Variants in LARP1B observed in about 807,000 individuals in gnomAD.
The protein encoded by LARP1B is La ribonucleoprotein 1B.
A neutral mutation model predicts 114.2 loss-of-function variants in LARP1B; 76 were observed. That is an observed-to-expected ratio of 0.67 (90% CI 0.55 to 0.81). The LOEUF (loss-of-function observed/expected upper bound fraction) is 0.81. Ranked by LOEUF, LARP1B falls within the 30% of genes least tolerant of loss-of-function variation. The pLI is 0.00. For missense variants in LARP1B, 1,014 were observed against 1,075.8 expected (o/e 0.94, Z 0.80); for synonymous variants, 345 against 348.0 (o/e 0.99, Z 0.10).
intron 9 of LARP1B, chr4:128,107,602 A>G (rs1474618358): frequency 7.2e-7 from 1 of 1,384,502 alleles, no homozygotes; most frequent in South Asian, 1.7e-5. Flanking sequence ...ATAACTATAG[A>G]TATGTATCGT....
chr4:128,125,431 C>T (rs1459717520), intron 11 of LARP1B, among the ~76,000 whole-genome samples: 1 of 152,216 alleles, frequency 6.6e-6, no homozygotes, highest in Non-Finnish European at 1.5e-5. Context: ...TGCTTCCTAC[C>T]TGCTCCCCAA....
At chr4:128,175,127 G>A (rs1561493425) in intron 12 of LARP1B, among the ~76,000 whole-genome samples, 1 of 152,094 alleles carries the variant, frequency 6.6e-6, no homozygotes, top group Non-Finnish European at 1.5e-5. Flanking sequence ...GCATTTACCT[G>A]ACTGTATCTT....
chr4:128,074,154 G>A (rs955422369), intron 1 of LARP1B, among the ~76,000 whole-genome samples: 1 of 151,026 alleles, frequency 6.6e-6, no homozygotes, highest in Admixed American at 6.6e-5. Flanking sequence ...TGGTCAGGCC[G>A]GTCTCGAACT....
chr4:128,091,185 GA>G (rs777709358), intron 6 of LARP1B, 41 bp downstream of exon 6: 7 of 1,589,434 alleles, frequency 4.4e-6, no homozygotes, highest in East Asian at 4.5e-5. Context: ...GATAAACTTT[GA>G]AAAAAATAGA....
rs1164962483 is a variant in LARP1B, at chr4:128,162,438, C to G, written c.1648+121C>G. ...AAATCATTAGGTAAATGGTAAAATG[C>G]TAGAATTTTAAAACTCAACTTTTAT... On this transcript the variant is annotated intron_variant, in intron 12 of 19. Coordinates refer to ENST00000326639, the MANE Select transcript of LARP1B (RefSeq NM_018078.4). 9.2e-6 allele frequency: 8 copies of G among 871,290 alleles called. No homozygotes were observed. In the East Asian group the frequency reaches 2.1e-4, roughly 23 times the overall value. The allele number at this position is 871,290 out of a possible 1,614,324, so 54.0% of individuals were successfully genotyped here. A position where few individuals can be genotyped will look rare whatever the true frequency, so the allele number is the denominator to read the frequency against.
intron 10 of LARP1B, among the ~76,000 whole-genome samples, chr4:128,119,689 C>G (rs1262059557): frequency 6.6e-6 from 1 of 152,140 alleles, no homozygotes; most frequent in Non-Finnish European, 1.5e-5. Flanking sequence ...CCCCTTTAAC[C>G]TTTGTATCAG....
intron 11 of LARP1B, among the ~76,000 whole-genome samples, chr4:128,159,048 T>G (rs1270296726): frequency 1.3e-5 from 2 of 151,354 alleles, no homozygotes; most frequent in African/African-American, 4.9e-5. Context: ...CATGGTGGCA[T>G]GCACCTGTAG....
intron 5 of LARP1B, among the ~76,000 whole-genome samples, chr4:128,089,459 C>T (rs964134842): frequency 2.0e-5 from 3 of 151,940 alleles, no homozygotes; most frequent in Non-Finnish European, 1.5e-5. Flanking sequence ...CCCTAGCCTC[C>T]CGAGTAGCTG....
chr4:128,194,682 CAAAAAAAA>C (rs56843140), intron 15 of LARP1B, among the ~76,000 whole-genome samples: 28 of 25,900 alleles, frequency 1.1e-3, no homozygotes, highest in African/African-American at 1.2e-3. Flanking sequence ...GACTCTGTCT[CAAAAAAAA>C]AAAAAAAAAA....
At position 128,087,339 on chromosome 4, in the gene LARP1B, T is replaced by C. The variant is rs563812334; in HGVS notation, c.359-3662T>C. 6.8e-4 allele frequency among the ~76,000 whole-genome samples: 104 copies of C among 152,318 alleles called. 1 individual carries two copies. The highest frequency in any genetic ancestry group is 2.4e-3 in the African/African-American group (98 of 41,582). On this transcript the variant is annotated intron_variant, in intron 5 of 19. Transcript: ENST00000326639. ...TTCTGCTGAAATCTGATAAGTCATG[T>C]CCTGTGAATGGATAAGAAGGCCTAA... is the stretch of plus-strand genomic sequence containing the variant.
chr4:128,204,022 G>T (rs893483438), intron 17 of LARP1B, among the ~76,000 whole-genome samples: 1 of 152,172 alleles, frequency 6.6e-6, no homozygotes, highest in South Asian at 2.1e-4. Context: ...GTTATGCTGT[G>T]TATTTGGGTT....
At position 128,155,843 on chromosome 4, in the gene LARP1B, A is replaced by C. The variant is rs576968232; in HGVS notation, c.1525-6351A>C. 4.4e-4 allele frequency: 689 copies of C among 1,570,076 alleles called. 1 individual carries two copies. Among genetic ancestry groups the C allele is most frequent in the Admixed American group, 1.4e-3 (81 of 59,778 alleles). On this transcript the variant is annotated intron_variant, in intron 11 of 19. Transcript: ENST00000326639. Reference sequence around the variant, plus strand: ...AAATCAGGGCTGCAGCGAGAGATCGAGGAGCTGCAGAAGCAGAAGGAGCGC... The same window carrying C: ...AAATCAGGGCTGCAGCGAGAGATCGCGGAGCTGCAGAAGCAGAAGGAGCGC...
intron 11 of LARP1B, chr4:128,156,246 C>T (rs1328749136): frequency 2.3e-6 from 3 of 1,305,072 alleles, no homozygotes; most frequent in East Asian, 2.3e-5. Flanking sequence ...CCCTAAGCAA[C>T]GTCTGCTCCC....
chr4:128,162,514 T>TAG (rs1296921176), intron 12 of LARP1B, among the ~76,000 whole-genome samples, 197 bp downstream of exon 12: 31 of 152,282 alleles, frequency 2.0e-4, no homozygotes, highest in African/African-American at 7.2e-4. Flanking sequence ...AGCCAGAGGC[T>TAG]TACTTAGAAG....
At chr4:128,195,117 A>G (rs181836220) in intron 15 of LARP1B, among the ~76,000 whole-genome samples, 5 of 152,106 alleles carry the variant, frequency 3.3e-5, no homozygotes, top group Admixed American at 3.3e-4. Context: ...TTGTTGTTGA[A>G]ATCTTGCCAA....
At chr4:128,129,214 G>T (rs1258643192) in intron 11 of LARP1B, among the ~76,000 whole-genome samples, 4 of 138,860 alleles carry the variant, frequency 2.9e-5, no homozygotes, top group South Asian at 4.5e-4. Context: ...ATTCAGCCGT[G>T]CGTGGTGGCG....
intron 15 of LARP1B, among the ~76,000 whole-genome samples, chr4:128,193,920 T>G (rs1181448989): frequency 6.6e-6 from 1 of 152,112 alleles, no homozygotes; most frequent in Non-Finnish European, 1.5e-5. Flanking sequence ...GCTTGGCCTC[T>G]TACTCCTTTT....
intron 10 of LARP1B, among the ~76,000 whole-genome samples, chr4:128,121,161 A>G (rs1787837514): frequency 6.6e-6 from 1 of 152,176 alleles, no homozygotes; most frequent in Admixed American, 6.5e-5. Context: ...TTTGACATGA[A>G]AACTGGGCCA....
At chr4:128,194,737 C>T (rs759562314) in intron 15 of LARP1B, among the ~76,000 whole-genome samples, 4 of 145,058 alleles carry the variant, frequency 2.8e-5, no homozygotes, top group African/African-American at 1.0e-4. Flanking sequence ...TGTGGTGGCG[C>T]TCACTGGTAA....
Sources: allele counts gnomAD v4.1 joint callset (sites outside exome capture counted in the v4.1 genomes callset), GRCh38; gene constraint gnomAD v4.1.1; transcripts MANE v1.5; gene names NCBI Gene and HGNC (gene_info 2026-07-23, HGNC 2026-07-21).